ROBO1: variants seen among roughly 807,000 people sequenced by gnomAD.
ROBO1 encodes roundabout homolog 1.
Under a neutral mutation model 195.9 loss-of-function variants are expected in ROBO1, and 149 were observed. That is an observed-to-expected ratio of 0.76 (90% CI 0.67 to 0.87). The LOEUF is 0.87. Ranked by LOEUF, ROBO1 falls within the 40% of genes least tolerant of loss-of-function variation. The pLI is 0.00. For synonymous variants in ROBO1, 816 were observed against 733.2 expected, an observed-to-expected ratio of 1.11 and a Z score of -1.82; for missense variants, 1,933 against 2,068.3, an observed-to-expected ratio of 0.93 and a Z score of 1.27.
intron 1 of ROBO1, among the ~76,000 whole-genome samples, chr3:79,625,423 G>GGAAA (rs1348121330): frequency 4.3e-4 from 6 of 13,876 alleles, no homozygotes; most frequent in Non-Finnish European, 6.5e-4. Flanking sequence ...TGTTTTTTTT[G>GGAAA]AAAAAAAAAA....
chr3:79,384,792 T>C (rs2036682831), intron 2 of ROBO1, among the ~76,000 whole-genome samples: 1 of 152,048 alleles, frequency 6.6e-6, no homozygotes. Flanking sequence ...ATATTCATAA[T>C]TACATGGGGG....
intron 10 of ROBO1, among the ~76,000 whole-genome samples, chr3:78,674,579 T>C (rs193215464): frequency 1.3e-5 from 2 of 152,274 alleles, no homozygotes; most frequent in East Asian, 1.9e-4. Flanking sequence ...CGCCCAGAGT[T>C]TGCAGGGTGA....
At chr3:79,496,640 G>C (rs974453621) in intron 2 of ROBO1, among the ~76,000 whole-genome samples, 8 of 150,876 alleles carry the variant, frequency 5.3e-5, no homozygotes, top group Non-Finnish European at 1.2e-4. Flanking sequence ...ACCCGCCTCG[G>C]CCTCCCAAAG....
At position 79,355,243 on chromosome 3, in the gene ROBO1, T is replaced by C. The variant is rs187773170; in HGVS notation, c.89-229704A>G. On this transcript the variant is annotated intron_variant, in intron 2 of 30. Transcript: ENST00000464233. ...ATTGCTTTATTTAAAAAAATACTAC[T>C]AATTATCAGAGGTTAAATTTTATTT... Among the ~76,000 whole-genome samples, 305 of 152,190 alleles carry C rather than the reference T, an allele frequency of 2.0e-3. 2 individuals are homozygous for C. The highest frequency in any genetic ancestry group is 6.8e-3 in the African/African-American group (284 of 41,540).
intron 18 of ROBO1, among the ~76,000 whole-genome samples, chr3:78,653,338 C>T (rs1467936203): frequency 6.6e-6 from 1 of 152,052 alleles, no homozygotes; most frequent in Non-Finnish European, 1.5e-5. Context: ...CTTGACTCAC[C>T]CCAGTGACCC....
At chr3:78,806,528 G>C (rs2084545774) in intron 4 of ROBO1, among the ~76,000 whole-genome samples, 1 of 152,170 alleles carries the variant, frequency 6.6e-6, no homozygotes, top group African/African-American at 2.4e-5. Context: ...TGTGGACGTG[G>C]GCAGCAGGTT....
chr3:79,764,061 T>A (rs183941187), intron 1 of ROBO1, among the ~76,000 whole-genome samples: 1 of 152,328 alleles, frequency 6.6e-6, no homozygotes, highest in East Asian at 1.9e-4. Context: ...GTCATGTCTA[T>A]TTTCCTTAAA....
At chr3:79,536,367 T>A (rs564129357) in intron 2 of ROBO1, among the ~76,000 whole-genome samples, 2 of 152,164 alleles carry the variant, frequency 1.3e-5, no homozygotes, top group African/African-American at 2.4e-5. Context: ...CAGTGTATCA[T>A]GCACTGTCGC....
At chr3:79,004,964 G>A (rs1356873775) in intron 3 of ROBO1, among the ~76,000 whole-genome samples, 1 of 152,114 alleles carries the variant, frequency 6.6e-6, no homozygotes, top group African/African-American at 2.4e-5. Context: ...AGACAAATTA[G>A]CCAATATATT....
chr3:79,045,976 T>C (rs2078583407), intron 3 of ROBO1, among the ~76,000 whole-genome samples: 2 of 152,092 alleles, frequency 1.3e-5, no homozygotes, highest in Admixed American at 6.6e-5. Context: ...TGAATGTAGG[T>C]TATTGTGGTA....
At chr3:78,771,672 A>G (rs2083379078) in intron 4 of ROBO1, among the ~76,000 whole-genome samples, 1 of 152,046 alleles carries the variant, frequency 6.6e-6, no homozygotes, top group African/African-American at 2.4e-5. Context: ...TGTAAATGAG[A>G]CTGCATTATT....
At chr3:78,936,397 T>C (rs998474414) in intron 4 of ROBO1, among the ~76,000 whole-genome samples, 1 of 152,076 alleles carries the variant, frequency 6.6e-6, no homozygotes, top group Admixed American at 6.5e-5. Context: ...TTGGGGGTGA[T>C]AGTTTAATAT....
At chr3:79,507,885 C>T (rs562015609) in intron 2 of ROBO1, 1 of 154,804 alleles carries the variant, frequency 6.5e-6, no homozygotes, top group East Asian at 1.9e-4. Flanking sequence ...TAATATAAGT[C>T]TGGTAGAGTG....
chr3:79,044,670 G>C (rs1348367231), intron 3 of ROBO1, among the ~76,000 whole-genome samples: 2 of 151,966 alleles, frequency 1.3e-5, no homozygotes, highest in Admixed American at 6.6e-5. Flanking sequence ...GAGGAAGGGA[G>C]ACTAAAACTT....
At chr3:78,735,035 G>T (rs1238146418) in intron 5 of ROBO1, among the ~76,000 whole-genome samples, 1 of 152,154 alleles carries the variant, frequency 6.6e-6, no homozygotes. Context: ...CTTACACATT[G>T]AGACTTATAT....
At chr3:79,032,468 G>C (rs908439085) in intron 3 of ROBO1, among the ~76,000 whole-genome samples, 3 of 151,958 alleles carry the variant, frequency 2.0e-5, no homozygotes, top group Non-Finnish European at 4.4e-5. Context: ...GATGCTTAAA[G>C]TAAGTACCAG....
At chr3:79,088,889 C>A (rs1425261625) in intron 3 of ROBO1, among the ~76,000 whole-genome samples, 2 of 151,878 alleles carry the variant, frequency 1.3e-5, no homozygotes, top group African/African-American at 2.4e-5. Flanking sequence ...TTTTAATAAA[C>A]CTTATGGGAA....
At chr3:79,551,578 C>T (rs112337851) in intron 2 of ROBO1, among the ~76,000 whole-genome samples, 8 of 151,792 alleles carry the variant, frequency 5.3e-5, no homozygotes, top group Middle Eastern at 3.4e-3. Context: ...GCTTTGATGT[C>T]GGTGGGGGCT....
intron 4 of ROBO1, among the ~76,000 whole-genome samples, chr3:78,916,354 C>G (rs900008679): frequency 1.3e-5 from 2 of 151,498 alleles, no homozygotes; most frequent in African/African-American, 4.9e-5. Context: ...AAACTCGAGA[C>G]CAGCCTGGCC....
Sources: gnomAD v4.1 joint callset for allele counts (sites outside exome capture counted in the v4.1 genomes callset) on GRCh38, gnomAD v4.1.1 for gene constraint, MANE v1.5 for transcripts, NCBI Gene and HGNC (gene_info 2026-07-23, HGNC 2026-07-21) for gene names.